The following GRID2 variants were observed in gnomAD, a reference collection of about 807,000 sequenced individuals.
The protein encoded by GRID2 is glutamate receptor ionotropic, delta-2.
Under a neutral mutation model 114.8 loss-of-function variants are expected in GRID2, and 33 were observed. That is an observed-to-expected ratio of 0.29 (90% CI 0.22 to 0.38). GRID2 has a LOEUF of 0.38. GRID2 is among the 10% of genes least tolerant of loss of function. The pLI, the probability that GRID2 is intolerant of heterozygous loss-of-function variation, is 1.00. For synonymous variants in GRID2, 505 were observed against 449.9 expected (o/e 1.12, Z -1.55); for missense variants, 1,184 against 1,257.7 (o/e 0.94, Z 0.89).
chr4:93,456,186 G>A (rs1723172885), intron 11 of GRID2, among the ~76,000 whole-genome samples: 3 of 152,088 alleles, frequency 2.0e-5, no homozygotes, highest in Admixed American at 1.3e-4. Flanking sequence ...GTCTTTTGAT[G>A]TAAGTTTAAT....
chr4:93,489,285 T>G (rs1189670238), intron 11 of GRID2, among the ~76,000 whole-genome samples: 1 of 151,922 alleles, frequency 6.6e-6, no homozygotes, highest in Admixed American at 6.6e-5. Context: ...GAGAAAATTT[T>G]AGGCATAACC....
At chr4:92,327,366 TTGTG>T (rs33960256) in intron 1 of GRID2, among the ~76,000 whole-genome samples, 3,088 of 150,056 alleles carry the variant, frequency 0.021, 111 homozygotes, top group African/African-American at 0.071. Flanking sequence ...ATCCTAGATT[TTGTG>T]TGTGTGTGTG....
intron 1 of GRID2, among the ~76,000 whole-genome samples, chr4:92,570,445 T>A (rs1336759604): frequency 2.0e-5 from 3 of 152,144 alleles, no homozygotes; most frequent in African/African-American, 7.2e-5. Context: ...TTGGGCTCTT[T>A]TTGGCTCCAT....
intron 2 of GRID2, among the ~76,000 whole-genome samples, chr4:92,657,094 A>G (rs62309209): frequency 0.061 from 9,267 of 151,716 alleles, 367 homozygotes; most frequent in East Asian, 0.16. Flanking sequence ...AAATAGTACA[A>G]TAAGAAAAGG....
intron 14 of GRID2, among the ~76,000 whole-genome samples, chr4:93,759,258 C>G (rs991784245): frequency 6.6e-6 from 1 of 152,010 alleles, no homozygotes; most frequent in Non-Finnish European, 1.5e-5. Flanking sequence ...TGATTTTGCC[C>G]CCTTAGGCAG....
At chr4:92,804,702 T>C (rs2149374682) in intron 2 of GRID2, among the ~76,000 whole-genome samples, 1 of 152,162 alleles carries the variant, frequency 6.6e-6, no homozygotes, top group South Asian at 2.1e-4. Flanking sequence ...GTAGCAAGTA[T>C]CGTATAACTT....
chr4:93,472,281 C>A (rs915253580), intron 11 of GRID2, among the ~76,000 whole-genome samples: 8 of 151,838 alleles, frequency 5.3e-5, no homozygotes, highest in Non-Finnish European at 8.8e-5. Flanking sequence ...CAAGATCACG[C>A]CATTGCACTC....
chr4:92,864,481 G>C (rs1414366739), intron 2 of GRID2, among the ~76,000 whole-genome samples: 2 of 152,136 alleles, frequency 1.3e-5, no homozygotes, highest in Non-Finnish European at 2.9e-5. Context: ...CTTTATGGAA[G>C]GATAACTCAT....
At chr4:92,333,157 A>G (rs1344824008) in intron 1 of GRID2, among the ~76,000 whole-genome samples, 2 of 152,250 alleles carry the variant, frequency 1.3e-5, no homozygotes, top group Non-Finnish European at 1.5e-5. Context: ...GATGAAGGCC[A>G]GAATGGCCCC....
intron 2 of GRID2, among the ~76,000 whole-genome samples, chr4:92,861,385 G>T (rs749352595): frequency 5.3e-5 from 8 of 151,980 alleles, no homozygotes; most frequent in Non-Finnish European, 1.0e-4. Context: ...TGTGAATTAC[G>T]CAGGGGACAC....
At chr4:93,703,764 A>C (rs868582890) in intron 14 of GRID2, among the ~76,000 whole-genome samples, 1 of 150,156 alleles carries the variant, frequency 6.7e-6, no homozygotes, top group East Asian at 2.0e-4. Context: ...TTTGTCCTTG[A>C]GATAGTTTGC....
At chr4:93,081,540 G>A (rs572953576) in intron 2 of GRID2, among the ~76,000 whole-genome samples, 1 of 152,106 alleles carries the variant, frequency 6.6e-6, no homozygotes, top group Non-Finnish European at 1.5e-5. Flanking sequence ...TGTGCTTTTG[G>A]CAGTTAGTGC....
chr4:92,317,307 C>T (rs901880541), intron 1 of GRID2, among the ~76,000 whole-genome samples: 3 of 152,174 alleles, frequency 2.0e-5, no homozygotes, highest in Middle Eastern at 6.8e-3. Flanking sequence ...TACCTCATGG[C>T]AGAAGTAAAA....
At chr4:93,021,776 C>T (rs148423603) in intron 2 of GRID2, among the ~76,000 whole-genome samples, 3,006 of 143,584 alleles carry the variant, frequency 0.021, 43 homozygotes, top group East Asian at 0.054. Flanking sequence ...ATAATATTTA[C>T]AATATGTATA....
At chr4:93,668,091 C>T (rs995431025) in intron 14 of GRID2, among the ~76,000 whole-genome samples, 9 of 151,996 alleles carry the variant, frequency 5.9e-5, no homozygotes, top group African/African-American at 2.2e-4. Context: ...ACTTGTTATG[C>T]ATTAGCTATG....
At chr4:92,796,303 C>A (rs946126853) in intron 2 of GRID2, among the ~76,000 whole-genome samples, 2 of 151,744 alleles carry the variant, frequency 1.3e-5, no homozygotes, top group Non-Finnish European at 2.9e-5. Flanking sequence ...GGGACATTGT[C>A]CAATATCAAA....
chr4:92,471,756 C>G (rs1326640799), intron 1 of GRID2, among the ~76,000 whole-genome samples: 1 of 151,958 alleles, frequency 6.6e-6, no homozygotes, highest in African/African-American at 2.4e-5. Context: ...TTCTTCTCAC[C>G]CACACTTCCT....
chr4:92,683,160 G>A (rs144949326), intron 2 of GRID2, among the ~76,000 whole-genome samples: 16 of 152,158 alleles, frequency 1.1e-4, no homozygotes, highest in Middle Eastern at 3.4e-3. Flanking sequence ...TTAGCTGGGC[G>A]TGGTGGCGGG....
chr4:93,507,437 A>G (rs1449625555), intron 12 of GRID2, among the ~76,000 whole-genome samples: 1 of 152,216 alleles, frequency 6.6e-6, no homozygotes, highest in Non-Finnish European at 1.5e-5. Flanking sequence ...TCATTATCTA[A>G]ATATTCAACC....
Sources: gnomAD v4.1 joint callset for allele counts (sites outside exome capture counted in the v4.1 genomes callset) on GRCh38, gnomAD v4.1.1 for gene constraint, MANE v1.5 for transcripts, NCBI Gene and HGNC (gene_info 2026-07-23, HGNC 2026-07-21) for gene names.